Variants in TMEM232 observed in about 807,000 individuals in gnomAD.
TMEM232 encodes the protein transmembrane protein 232.
Under a neutral mutation model 78.8 loss-of-function variants are expected in TMEM232, and 80 were observed. The observed-to-expected ratio is 1.01, with a 90% CI of 0.85 to 1.22. TMEM232 has a LOEUF of 1.22. Among genes scored for constraint, TMEM232 ranks in the 50% most tolerant of loss-of-function variants. TMEM232 has a pLI of 0.00. For missense variants in TMEM232, 881 were observed against 742.2 expected (o/e 1.19, Z -2.17); for synonymous variants, 297 against 254.3 (o/e 1.17, Z -1.60).
intron 12 of TMEM232, among the ~76,000 whole-genome samples, chr5:110,522,143 T>A (rs188256825): frequency 1.2e-4 from 18 of 151,556 alleles, no homozygotes; most frequent in African/African-American, 3.9e-4. Flanking sequence ...TACATCCTTA[T>A]TTAAGTTTAT....
chr5:110,730,834 G>T (rs957228417), upstream of TMEM232, among the ~76,000 whole-genome samples: 5 of 152,174 alleles, frequency 3.3e-5, no homozygotes, highest in African/African-American at 1.2e-4. Context: ...AGATCATTCT[G>T]CCCCTGGCCC....
At chr5:110,512,971 T>A (rs547830693) in intron 12 of TMEM232, among the ~76,000 whole-genome samples, 1 of 152,218 alleles carries the variant, frequency 6.6e-6, no homozygotes, top group African/African-American at 2.4e-5. Flanking sequence ...GGTTGATGAT[T>A]GTATTAAAGA....
At chr5:110,608,782 A>G (rs1781818870) in intron 8 of TMEM232, among the ~76,000 whole-genome samples, 1 of 152,090 alleles carries the variant, frequency 6.6e-6, no homozygotes, top group South Asian at 2.1e-4. Flanking sequence ...TTGAAAATCA[A>G]TGCACATAGA....
chr5:110,456,319 A>G (rs1424831061), intron 12 of TMEM232, among the ~76,000 whole-genome samples: 2 of 152,158 alleles, frequency 1.3e-5, no homozygotes, highest in Non-Finnish European at 2.9e-5. Flanking sequence ...ACAAAAACAT[A>G]AAATATGTTA....
At chr5:110,426,312 G>A (rs1175454601) in intron 12 of TMEM232, among the ~76,000 whole-genome samples, 3 of 151,950 alleles carry the variant, frequency 2.0e-5, no homozygotes, top group African/African-American at 7.2e-5. Flanking sequence ...TAGAGTATGA[G>A]CTACATGATC....
chr5:110,699,404 G>A (rs1337125465), intron 1 of TMEM232, among the ~76,000 whole-genome samples: 8 of 152,038 alleles, frequency 5.3e-5, no homozygotes, highest in African/African-American at 1.9e-4. Flanking sequence ...AAATTATAAT[G>A]CTTCTTGTAA....
intron 11 of TMEM232, among the ~76,000 whole-genome samples, chr5:110,561,964 T>C (rs1475814323): frequency 6.6e-6 from 1 of 152,030 alleles, no homozygotes; most frequent in Non-Finnish European, 1.5e-5. Context: ...ATTATCTAAA[T>C]CAAGTAATAT....
intron 10 of TMEM232, among the ~76,000 whole-genome samples, chr5:110,569,101 C>T (rs1286799011): frequency 6.6e-6 from 1 of 151,606 alleles, no homozygotes; most frequent in African/African-American, 2.4e-5. Flanking sequence ...GAAAAGCATA[C>T]AAAAACTACT....
Position 110,509,322 on chromosome 5 carries a change from C to A in TMEM232, c.1703+19266G>T, listed in dbSNP as rs1767413994. Among the ~76,000 whole-genome samples, 2 of 151,940 alleles carry A rather than the reference C, an allele frequency of 1.3e-5. 1 individual carries two copies. The highest frequency in any genetic ancestry group is 1.3e-4 in the Admixed American group (2 of 15,228). On this transcript the variant is annotated intron_variant, in intron 12 of 13. Coordinates refer to ENST00000455884, the MANE Select transcript of TMEM232 (RefSeq NM_001039763.4). ...TGGTGGTGTGTGCCTGTACTCCTAG[C>A]TACTCAGGAGGCTGAGAGGCAGGAG...
chr5:110,488,155 C>A (rs1303567084), intron 12 of TMEM232, among the ~76,000 whole-genome samples: 1 of 151,996 alleles, frequency 6.6e-6, no homozygotes, highest in Non-Finnish European at 1.5e-5. Flanking sequence ...GTGTTCATTG[C>A]AGCCTTGAAT....
chr5:110,683,920 A>G (rs1465551462), intron 1 of TMEM232, among the ~76,000 whole-genome samples: 4 of 152,064 alleles, frequency 2.6e-5, no homozygotes, highest in Admixed American at 6.6e-5. Context: ...TTTACAGACC[A>G]TAACATTGGT....
intron 5 of TMEM232, among the ~76,000 whole-genome samples, chr5:110,631,209 A>G (rs959503605): frequency 2.0e-5 from 3 of 152,172 alleles, no homozygotes; most frequent in African/African-American, 2.4e-5. Flanking sequence ...TCCAGAAAAG[A>G]GATGGTGCAG....
intron 10 of TMEM232, among the ~76,000 whole-genome samples, chr5:110,602,415 T>G (rs1316228373): frequency 6.6e-6 from 1 of 151,418 alleles, no homozygotes; most frequent in African/African-American, 2.4e-5. Flanking sequence ...AGGTCTAATA[T>G]CCAGAATCTA....
chr5:110,582,430 T>C (rs1232793382), intron 10 of TMEM232, among the ~76,000 whole-genome samples: 1 of 151,984 alleles, frequency 6.6e-6, no homozygotes, highest in Non-Finnish European at 1.5e-5. Context: ...ATACCACATG[T>C]TCTCACTTAT....
intron 2 of TMEM232, among the ~76,000 whole-genome samples, chr5:110,401,522 G>A (rs1418386572): frequency 6.6e-6 from 1 of 152,006 alleles, no homozygotes; most frequent in African/African-American, 2.4e-5. Context: ...GGTCCTGCAG[G>A]ATCCCATTAG....
chr5:110,490,125 GAAAGAA>G (rs1164998335), intron 12 of TMEM232, among the ~76,000 whole-genome samples: 1 of 38,812 alleles, frequency 2.6e-5, no homozygotes, highest in Non-Finnish European at 4.8e-5. Context: ...GTTTCAAAAA[GAAAGAA>G]AGAAAGAAAG....
intron 12 of TMEM232, among the ~76,000 whole-genome samples, chr5:110,501,655 T>C (rs1766280404): frequency 6.6e-6 from 1 of 152,192 alleles, no homozygotes; most frequent in South Asian, 2.1e-4. Flanking sequence ...ATTAACTGGC[T>C]ATATTCCTGG....
intron 12 of TMEM232, among the ~76,000 whole-genome samples, chr5:110,495,548 T>G (rs1765552451): frequency 6.6e-6 from 1 of 151,976 alleles, no homozygotes; most frequent in South Asian, 2.1e-4. Flanking sequence ...TGTCCTATTT[T>G]GTACTATGGG....
chr5:110,488,325 A>G (rs1764683677), intron 12 of TMEM232, among the ~76,000 whole-genome samples: 1 of 152,008 alleles, frequency 6.6e-6, no homozygotes, highest in Non-Finnish European at 1.5e-5. Context: ...GATAAACCAT[A>G]TGGCAGGCAA....
Sources: allele counts gnomAD v4.1 joint callset (sites outside exome capture counted in the v4.1 genomes callset), GRCh38; gene constraint gnomAD v4.1.1; transcripts MANE v1.5; gene names NCBI Gene and HGNC (gene_info 2026-07-23, HGNC 2026-07-21).